The following ZNF385D variants were observed in gnomAD, a reference collection of about 807,000 sequenced individuals.
ZNF385D encodes the protein zinc finger protein 385D.
ZNF385D carries 15 observed loss-of-function variants against 35.8 expected under a neutral mutation model. The observed-to-expected ratio is 0.42, with a 90% CI of 0.28 to 0.64. The LOEUF is 0.64. ZNF385D is among the 30% of genes least tolerant of loss of function. ZNF385D has a pLI of 0.23. For missense variants in ZNF385D, 474 were observed against 494.6 expected (o/e 0.96, Z 0.39); for synonymous variants, 212 against 186.8 (o/e 1.13, Z -1.10).
At chr3:21,712,366 C>A (rs2068145486) in intron 1 of ZNF385D, among the ~76,000 whole-genome samples, 1 of 152,100 alleles carries the variant, frequency 6.6e-6, no homozygotes, top group Non-Finnish European at 1.5e-5. Flanking sequence ...GAACACCTGC[C>A]CCACCCACCC....
chr3:22,166,921 G>A lies in ZNF385D; in HGVS notation c.325+1896C>T, dbSNP rs116442951. On this transcript the variant is annotated intron_variant, in intron 3 of 5. Transcript: ENST00000494108. Reference sequence around the variant, plus strand: ...AAAGAAAACAACTTGGAATTGAATCGTGCTGTACTTGAGGTGGTTTCACCT... The same window carrying A: ...AAAGAAAACAACTTGGAATTGAATCATGCTGTACTTGAGGTGGTTTCACCT... Among the ~76,000 whole-genome samples, 1,054 of 152,334 alleles carry A rather than the reference G, an allele frequency of 6.9e-3. 11 individuals carry two copies. The highest frequency in any genetic ancestry group is 0.023 in the African/African-American group (956 of 41,582).
At chr3:22,239,212 C>A (rs1474749235) in intron 2 of ZNF385D, among the ~76,000 whole-genome samples, 1 of 151,080 alleles carries the variant, frequency 6.6e-6, no homozygotes, top group Non-Finnish European at 1.5e-5. Context: ...CCAAATCTTG[C>A]CTGCTACCAG....
intron 3 of ZNF385D, among the ~76,000 whole-genome samples, chr3:22,035,224 T>C (rs1698243127): frequency 1.3e-5 from 2 of 152,320 alleles, no homozygotes; most frequent in African/African-American, 2.4e-5. Context: ...ACAACTGGTA[T>C]GCTAAGAAGG....
chr3:21,777,173 T>C (rs1030276317), intron 3 of ZNF385D, among the ~76,000 whole-genome samples: 7 of 152,012 alleles, frequency 4.6e-5, no homozygotes, highest in South Asian at 2.1e-4. Flanking sequence ...CTAGCTTCTG[T>C]ATGCAATTGC....
At chr3:21,825,482 A>T (rs1694544523) in intron 3 of ZNF385D, among the ~76,000 whole-genome samples, 1 of 125,734 alleles carries the variant, frequency 8.0e-6, no homozygotes, top group African/African-American at 2.6e-5. Flanking sequence ...GTTTGCAAAT[A>T]AAAAAAAAAG....
intron 3 of ZNF385D, among the ~76,000 whole-genome samples, chr3:22,120,738 A>T (rs1249111752): frequency 6.6e-6 from 1 of 152,174 alleles, no homozygotes; most frequent in Non-Finnish European, 1.5e-5. Context: ...ATTAATACTA[A>T]AACAAAAACC....
At chr3:21,995,723 C>A (rs993277061) in intron 3 of ZNF385D, among the ~76,000 whole-genome samples, 2 of 151,780 alleles carry the variant, frequency 1.3e-5, no homozygotes, top group African/African-American at 4.8e-5. Flanking sequence ...TCCTCAGCCC[C>A]CAGAATGGTG....
chr3:22,077,676 T>C lies in ZNF385D; in HGVS notation c.325+91141A>G, dbSNP rs186284805. 3.9e-5 allele frequency among the ~76,000 whole-genome samples: 6 copies of C among 152,158 alleles called. No homozygotes were observed. In the East Asian group the frequency reaches 5.8e-4, roughly 15 times the overall value. ...TATTGTTTTGGTTCACATGTAATGATTTCCCTCATACAGAGATGCTTCTCG... is the reference window on the plus strand; with the variant it reads ...TATTGTTTTGGTTCACATGTAATGACTTCCCTCATACAGAGATGCTTCTCG... On this transcript the variant is annotated intron_variant, in intron 3 of 5. Coordinates refer to the ZNF385D transcript ENST00000494108.
At chr3:22,296,650 G>T (rs1169302760) in intron 2 of ZNF385D, among the ~76,000 whole-genome samples, 1 of 152,096 alleles carries the variant, frequency 6.6e-6, no homozygotes, top group African/African-American at 2.4e-5. Flanking sequence ...CCTTCAGCTA[G>T]TGGTTTTCAC....
chr3:22,356,792 A>C (rs917711824), intron 2 of ZNF385D, among the ~76,000 whole-genome samples: 2 of 150,082 alleles, frequency 1.3e-5, no homozygotes, highest in African/African-American at 5.0e-5. Context: ...AGAGTGATAG[A>C]AAGATAGATA....
chr3:22,212,707 G>C (rs986025940), intron 2 of ZNF385D, among the ~76,000 whole-genome samples: 1 of 151,892 alleles, frequency 6.6e-6, no homozygotes, highest in Non-Finnish European at 1.5e-5. Context: ...CTTAGGGTTA[G>C]GTAAAGCATA....
intron 2 of ZNF385D, among the ~76,000 whole-genome samples, chr3:22,268,993 A>G (rs1701037310): frequency 6.6e-6 from 1 of 152,092 alleles, no homozygotes; most frequent in Non-Finnish European, 1.5e-5. Context: ...AGCTATTATC[A>G]TAAAAGTTCA....
intron 3 of ZNF385D, among the ~76,000 whole-genome samples, chr3:21,831,181 C>A (rs992125710): frequency 6.6e-6 from 1 of 151,988 alleles, no homozygotes; most frequent in Admixed American, 6.6e-5. Flanking sequence ...AAAATTTTTT[C>A]TTTTTTGTTA....
Position 21,420,996 on chromosome 3 carries a change from C to T in ZNF385D, c.*218G>A, listed in dbSNP as rs769949094. On this transcript the variant is annotated 3_prime_UTR_variant, in exon 8 of 8. Coordinates refer to ENST00000281523, the MANE Select transcript of ZNF385D (RefSeq NM_024697.3). Reference sequence around the variant, plus strand: ...TGGAGATCACTTCTAAAACAATCAGCGTTCAAGAGGAATGCTTTAATTTGG... The same window carrying T: ...TGGAGATCACTTCTAAAACAATCAGTGTTCAAGAGGAATGCTTTAATTTGG... The T allele has an allele frequency of 7.7e-6, 4 of 516,886 alleles. No homozygotes were observed. Among genetic ancestry groups the T allele is most frequent in the African/African-American group, 1.9e-5 (1 of 51,958 alleles). 32.0% of individuals were successfully genotyped at this position (516,886 alleles called of 1,614,324 possible).
intron 3 of ZNF385D, among the ~76,000 whole-genome samples, chr3:22,099,815 G>A (rs565150293): frequency 1.3e-5 from 2 of 152,158 alleles, no homozygotes; most frequent in African/African-American, 4.8e-5. Flanking sequence ...CACTAGCAGG[G>A]AGTGGGGGCT....
At chr3:22,095,614 A>G (rs1701575870) in intron 3 of ZNF385D, among the ~76,000 whole-genome samples, 1 of 152,012 alleles carries the variant, frequency 6.6e-6, no homozygotes, top group Non-Finnish European at 1.5e-5. Flanking sequence ...TAGTTTTTCT[A>G]TGACTTTTCC....
rs556946654 is a variant in ZNF385D at position 21,916,326 on chromosome 3, A to G, written c.326-251298T>C. 4.1e-4 allele frequency among the ~76,000 whole-genome samples: 62 copies of G among 152,226 alleles called. No homozygotes were observed. The South Asian group carries it at 0.012, about 29-fold the overall frequency. On this transcript the variant is annotated intron_variant, in intron 3 of 5. Coordinates refer to the ZNF385D transcript ENST00000494108. ...TCTGGTATTTGAATCTTATTTTACTATTTAATTTTGTTCTTCAAACTAACC... is the reference window on the plus strand; with the variant it reads ...TCTGGTATTTGAATCTTATTTTACTGTTTAATTTTGTTCTTCAAACTAACC...
At chr3:22,027,660 G>T (rs1156971935) in intron 3 of ZNF385D, among the ~76,000 whole-genome samples, 2 of 152,134 alleles carry the variant, frequency 1.3e-5, no homozygotes, top group East Asian at 3.9e-4. Flanking sequence ...GACCTGTCTA[G>T]CCATAAAGTG....
chr3:22,128,552 T>A (rs1002181933), intron 3 of ZNF385D, among the ~76,000 whole-genome samples: 13 of 152,256 alleles, frequency 8.5e-5, no homozygotes, highest in Admixed American at 2.0e-4. Flanking sequence ...CTTGTATGTG[T>A]GTCTTATTAT....
Sources: allele counts gnomAD v4.1 joint callset (sites outside exome capture counted in the v4.1 genomes callset), GRCh38; gene constraint gnomAD v4.1.1; transcripts MANE v1.5; gene names NCBI Gene and HGNC (gene_info 2026-07-23, HGNC 2026-07-21).